DLC1: variants seen among roughly 807,000 people sequenced by gnomAD.
DLC1 encodes the protein DLC1 Rho GTPase activating protein.
In DLC1, 54 loss-of-function variants were observed where a neutral mutation model predicts 140.3. That is an observed-to-expected ratio of 0.38 (90% CI 0.31 to 0.48). The LOEUF is 0.48. Among genes scored for constraint, DLC1 ranks in the 20% least tolerant of loss-of-function variants. The pLI is 0.96. For missense variants in DLC1, 2,536 were observed against 1,907.0 expected (o/e 1.33, Z -6.14); for synonymous variants, 986 against 728.1 (o/e 1.35, Z -5.70).
intron 4 of DLC1, among the ~76,000 whole-genome samples, chr8:13,383,340 C>A (rs1257918922): frequency 6.6e-6 from 1 of 152,102 alleles, no homozygotes; most frequent in Non-Finnish European, 1.5e-5. Context: ...TCTGCCATAC[C>A]ACTGTATGTT....
intron 4 of DLC1, among the ~76,000 whole-genome samples, chr8:13,346,897 G>A (rs146226297): frequency 1.4e-3 from 217 of 152,290 alleles, no homozygotes; most frequent in African/African-American, 4.9e-3. Context: ...CACTTTCTCC[G>A]GTTTCAGTTA....
chr8:13,090,102 G>A (rs1380462323), intron 15 of DLC1, 150 bp downstream of exon 15: 2 of 665,054 alleles, frequency 3.0e-6, no homozygotes, highest in Non-Finnish European at 5.0e-6. Flanking sequence ...TCTCACCACG[G>A]GGATCTTACT....
intron 2 of DLC1, among the ~76,000 whole-genome samples, chr8:13,456,381 T>C (rs1010899240): frequency 6.6e-6 from 1 of 152,214 alleles, no homozygotes; most frequent in African/African-American, 2.4e-5. Flanking sequence ...GCAGGAATTA[T>C]GTGCTACATT....
chr8:13,232,327 G>T (rs949393175), intron 5 of DLC1, among the ~76,000 whole-genome samples: 1 of 151,790 alleles, frequency 6.6e-6, no homozygotes, highest in Non-Finnish European at 1.5e-5. Context: ...CCAACCTGAT[G>T]ATTCTGCTAC....
chr8:13,167,548 G>T (rs1825190848), intron 5 of DLC1, among the ~76,000 whole-genome samples: 1 of 152,180 alleles, frequency 6.6e-6, no homozygotes, highest in South Asian at 2.1e-4. Context: ...GTGGCTCTTT[G>T]TGGCTTGATG....
chr8:13,562,953 G>T (rs1032316943), intron 1 of DLC1, among the ~76,000 whole-genome samples: 2 of 151,852 alleles, frequency 1.3e-5, no homozygotes, highest in Non-Finnish European at 2.9e-5. Context: ...GTATGTCAAT[G>T]TGTTTTTATA....
chr8:13,103,036 C>A (rs955802076), intron 7 of DLC1, among the ~76,000 whole-genome samples, 183 bp from the exon 8 acceptor site: 19 of 152,152 alleles, frequency 1.2e-4, no homozygotes, highest in African/African-American at 4.1e-4. Flanking sequence ...CTTGGCCGGG[C>A]GTGGTGGCTC....
chr8:13,403,922 G>A (rs1255201598), intron 2 of DLC1, among the ~76,000 whole-genome samples: 1 of 146,928 alleles, frequency 6.8e-6, no homozygotes, highest in Non-Finnish European at 1.5e-5. Flanking sequence ...GCTTCCCAAA[G>A]TGCTGGGATT....
At chr8:13,381,158 C>G (rs950737508) in intron 4 of DLC1, among the ~76,000 whole-genome samples, 1 of 152,088 alleles carries the variant, frequency 6.6e-6, no homozygotes, top group South Asian at 2.1e-4. Flanking sequence ...GAGCTAAATT[C>G]TTAAATTTGG....
At chr8:13,099,241 G>A (rs1818770843) in intron 9 of DLC1, 106 bp downstream of exon 9, 8 of 1,492,610 alleles carry the variant, frequency 5.4e-6, no homozygotes, top group Non-Finnish European at 7.1e-6. Flanking sequence ...AATGGACATG[G>A]CTAAGAATGC....
intron 1 of DLC1, among the ~76,000 whole-genome samples, chr8:13,582,233 C>G (rs7813322): frequency 0.22 from 33,619 of 152,050 alleles, 3,961 homozygotes; most frequent in Non-Finnish European, 0.25. Flanking sequence ...TGAGAAAAAA[C>G]AAAACAAAAT....
At chr8:13,287,921 T>A (rs531838526) in intron 5 of DLC1, among the ~76,000 whole-genome samples, 19 of 152,188 alleles carry the variant, frequency 1.2e-4, no homozygotes, top group Non-Finnish European at 2.2e-4. Flanking sequence ...AGGAGAATAT[T>A]TGCTCAGAAA....
intron 2 of DLC1, among the ~76,000 whole-genome samples, chr8:13,405,121 A>C (rs1837467504): frequency 6.6e-6 from 1 of 151,752 alleles, no homozygotes; most frequent in Admixed American, 6.6e-5. Context: ...AAACTTCTTT[A>C]AAATTTATTA....
chr8:13,592,929 C>T (rs1028227047), intron 1 of DLC1, among the ~76,000 whole-genome samples: 1 of 152,146 alleles, frequency 6.6e-6, no homozygotes, highest in Non-Finnish European at 1.5e-5. Flanking sequence ...TCATGCTCTT[C>T]AAACAGGGTC....
chr8:13,122,466 CAG>C (rs372935651), intron 5 of DLC1, among the ~76,000 whole-genome samples: 4 of 151,624 alleles, frequency 2.6e-5, no homozygotes, highest in African/African-American at 9.7e-5. Context: ...AAAGGAATTA[CAG>C]AGAGGTTGGT....
intron 4 of DLC1, among the ~76,000 whole-genome samples, chr8:13,376,009 C>T (rs1435507228): frequency 1.3e-5 from 2 of 152,110 alleles, no homozygotes; most frequent in East Asian, 1.9e-4. Context: ...TTCACATGCA[C>T]GAACCGAAAA....
chr8:13,391,137 T>G (rs1836742597), intron 4 of DLC1, among the ~76,000 whole-genome samples: 1 of 152,168 alleles, frequency 6.6e-6, no homozygotes. Flanking sequence ...CTAGAGAACT[T>G]TACTAAATTA....
intron 5 of DLC1, among the ~76,000 whole-genome samples, chr8:13,302,052 T>A (rs1832219426): frequency 6.6e-6 from 1 of 152,218 alleles, no homozygotes. Flanking sequence ...TCGATACTTG[T>A]GTGATCAGTT....
At chr8:13,163,479 A>C (rs1054813592) in intron 5 of DLC1, among the ~76,000 whole-genome samples, 3 of 152,130 alleles carry the variant, frequency 2.0e-5, no homozygotes, top group Non-Finnish European at 4.4e-5. Context: ...ATTTCAATGA[A>C]AGGATGAATT....
Sources: gnomAD v4.1 joint callset for allele counts (sites outside exome capture counted in the v4.1 genomes callset) on GRCh38, gnomAD v4.1.1 for gene constraint, MANE v1.5 for transcripts, NCBI Gene and HGNC (gene_info 2026-07-23, HGNC 2026-07-21) for gene names.